The following OLFM1 variants were observed in gnomAD, a reference collection of about 807,000 sequenced individuals.
OLFM1 encodes olfactomedin 1, also known as noelin.
Under a neutral mutation model 49.7 loss-of-function variants are expected in OLFM1, and 9 were observed. The observed-to-expected ratio is 0.18, with a 90% CI of 0.11 to 0.32. The LOEUF (loss-of-function observed/expected upper bound fraction) is 0.32, where lower values mean the gene tolerates loss of function less well. Ranked by LOEUF, OLFM1 falls within the 10% of genes least tolerant of loss-of-function variation. The probability of loss-of-function intolerance (pLI) is 1.00; values close to 1 mark genes in which losing one functional copy is unlikely to be tolerated. For missense variants in OLFM1, 369 were observed against 661.8 expected, an observed-to-expected ratio of 0.56 and a Z score of 4.85; for synonymous variants, 240 against 271.8, an observed-to-expected ratio of 0.88 and a Z score of 1.15.
At chr9:135,084,537 G>C, upstream of OLFM1, among the ~76,000 whole-genome samples, 1 of 145,574 alleles carries the variant, frequency 6.9e-6, no homozygotes, top group Admixed American at 6.8e-5. The surrounding 1 kb of genome is among the most constrained non-coding windows in gnomAD (Gnocchi z 4.6). Flanking sequence ...CCATTTCTTT[G>C]TCTTCCTCTC....
At chr9:135,083,507 C>T (rs1463236343), upstream of OLFM1, among the ~76,000 whole-genome samples, 1 of 152,182 alleles carries the variant, frequency 6.6e-6, no homozygotes, top group East Asian at 1.9e-4. Context: ...CCAGCAACAG[C>T]CATGGGTCTG....
intron 4 of OLFM1, among the ~76,000 whole-genome samples, chr9:135,102,809 C>A (rs1830888721): frequency 6.6e-6 from 1 of 152,186 alleles, no homozygotes; most frequent in South Asian, 2.1e-4. Flanking sequence ...AGGACAGGAA[C>A]CCCATCTGCC....
chr9:135,101,472 G>A (rs901678447), intron 4 of OLFM1, among the ~76,000 whole-genome samples: 2 of 152,232 alleles, frequency 1.3e-5, no homozygotes, highest in African/African-American at 4.8e-5. Flanking sequence ...GAGAAAACAA[G>A]GACCAGGGCT....
At chr9:135,075,731 C>A in exon 1 of OLFM1, 1 of 1,603,146 alleles carries the variant, frequency 6.2e-7, no homozygotes. Flanking sequence ...GAGGTGGCAG[C>A]GAGACATGCA....
chr9:135,091,387 AC>A (rs1417473848), intron 2 of OLFM1, among the ~76,000 whole-genome samples: 8 of 152,184 alleles, frequency 5.3e-5, no homozygotes, highest in Non-Finnish European at 1.2e-4. Context: ...GAACTTTCCC[AC>A]CCTGAGGGAG....
In OLFM1 at chr9:135,117,493, G is replaced by T. The variant is rs1831111607; in HGVS notation, c.784-2011G>T. ...GTGTCTTGTTGGGATATGGGAGCTG[G>T]CCCGCCCCGGTGACTTTGAGAGTCG... On this transcript the variant is annotated intron_variant, in intron 5 of 5. Coordinates refer to ENST00000371793, the MANE Select transcript of OLFM1 (RefSeq NM_001282611.2). The surrounding 1 kb of genome is among the most constrained non-coding windows in gnomAD (Gnocchi z 5.5). 6.6e-6 allele frequency among the ~76,000 whole-genome samples: 1 copy of T among 152,216 alleles called. No homozygotes were observed. Among genetic ancestry groups the T allele is most frequent in the Non-Finnish European group, 1.5e-5 (1 of 68,028 alleles).
chr9:135,107,802 T>A (rs1156717584), intron 5 of OLFM1, among the ~76,000 whole-genome samples: 1 of 152,162 alleles, frequency 6.6e-6, no homozygotes, highest in East Asian at 1.9e-4. Context: ...AAATGTGAGA[T>A]CCTCTAAGCT....
chr9:135,090,130 GATAC>G, intron 1 of OLFM1, 61 bp from the exon 2 acceptor site: 1 of 1,453,278 alleles, frequency 6.9e-7, no homozygotes, highest in Non-Finnish European at 9.4e-7. Context: ...TGTTGGCTCT[GATAC>G]ACAACCTCAT....
In OLFM1 at chr9:135,088,357, G is replaced by T. The variant is rs77591404; in HGVS notation, c.150+218G>T. ...AGCCTGGGCCACTCCATCTCCGCCCGCGCGCCCCTGGGGCGGCGTTTCCTT... is the reference window on the plus strand; with the variant it reads ...AGCCTGGGCCACTCCATCTCCGCCCTCGCGCCCCTGGGGCGGCGTTTCCTT... On this transcript the variant is annotated intron_variant, in intron 1 of 5. Transcript: ENST00000371793. This position sits in a 1 kb window ranked among gnomAD's most constrained non-coding sequence, Gnocchi z 4.8. 5.3e-3 allele frequency among the ~76,000 whole-genome samples: 799 copies of T among 151,838 alleles called. 8 individuals carry two copies. Among genetic ancestry groups the T allele is most frequent in the African/African-American group, 0.018 (747 of 41,498 alleles).
chr9:135,107,346 G>C (rs559687386), intron 5 of OLFM1, among the ~76,000 whole-genome samples: 1 of 152,336 alleles, frequency 6.6e-6, no homozygotes, highest in South Asian at 2.1e-4. Flanking sequence ...TTTGATTTAG[G>C]AAAGAGGCCA....
At chr9:135,076,036 C>G (rs1013520526) in intron 1 of OLFM1, 1 of 1,450,096 alleles carries the variant, frequency 6.9e-7, no homozygotes, top group Non-Finnish European at 9.1e-7. Flanking sequence ...GCAGAGCTGA[C>G]AGCTGCCCCC....
At position 135,119,965 on chromosome 9, in the gene OLFM1, C is replaced by T. The variant is rs971577481; in HGVS notation, c.1245C>T (p.Thr415=). 93 of 1,613,576 alleles carry T rather than the reference C, an allele frequency of 5.8e-5. No individual in the cohort carries two copies. The highest frequency in any genetic ancestry group is 7.5e-5 in the Non-Finnish European group (88 of 1,180,022). ...AFIICGTLYV[T]NGYSGGTKVH... Reference sequence around the variant, plus strand: ...TCATCTGCGGCACGCTGTACGTCACCAACGGCTACTCAGGGGGTACCAAGG... The same window carrying T: ...TCATCTGCGGCACGCTGTACGTCACTAACGGCTACTCAGGGGGTACCAAGG... Residue 415 remains threonine (T), a synonymous_variant, in exon 6 of 6, where the codon ACC becomes ACT. Coordinates refer to ENST00000371793, the MANE Select transcript of OLFM1 (RefSeq NM_001282611.2).
chr9:135,084,886 T>C (rs1199511735), upstream of OLFM1, among the ~76,000 whole-genome samples: 1 of 152,052 alleles, frequency 6.6e-6, no homozygotes, highest in Non-Finnish European at 1.5e-5. The surrounding 1 kb of genome is among the most constrained non-coding windows in gnomAD (Gnocchi z 4.6). Flanking sequence ...CTGTGGGTGT[T>C]GGTGTCGTCT....
At chr9:135,118,023 A>G (rs923753196) in intron 5 of OLFM1, among the ~76,000 whole-genome samples, 5 of 151,638 alleles carry the variant, frequency 3.3e-5, no homozygotes, top group Non-Finnish European at 7.4e-5. Context: ...GGTTGTGACT[A>G]CTCTTTCCTG....
At chr9:135,082,348 G>A (rs550916159) in intron 1 of OLFM1, among the ~76,000 whole-genome samples, 3 of 152,214 alleles carry the variant, frequency 2.0e-5, no homozygotes, top group South Asian at 2.1e-4. Flanking sequence ...AGTTGTCTTC[G>A]GGGAGTTTAA....
chr9:135,088,194 C>T lies in OLFM1; in HGVS notation c.150+55C>T. 8.0e-7 allele frequency: 1 copy of T among 1,246,770 alleles called. No individual in the cohort carries two copies. Among genetic ancestry groups the T allele is most frequent in the Non-Finnish European group, 1.0e-6 (1 of 987,196 alleles). The allele number at this position is 1,246,770 out of a possible 1,614,324, so 77.2% of individuals were successfully genotyped here. On this transcript the variant is annotated intron_variant, in intron 1 of 5. Transcript: ENST00000371793. The surrounding 1 kb of genome is among the most constrained non-coding windows in gnomAD (Gnocchi z 4.8). ...GGCTCCTCCTCCTCCTCCTCCTCCC[C>T]CTCCTCGGTCCGGAGCCCCGGGCTG...
At position 135,098,526 on chromosome 9, in the gene OLFM1, G is replaced by A. The variant is rs749105532; in HGVS notation, c.676+21G>A. On this transcript the variant is annotated intron_variant, in intron 4 of 5. Coordinates refer to ENST00000371793, the MANE Select transcript of OLFM1 (RefSeq NM_001282611.2). This position sits in a 1 kb window ranked among gnomAD's most constrained non-coding sequence, Gnocchi z 5.6. ...ACTAGGTAGGCCCAGTACCCTGCGG[G>A]ACGTGGCGCTGCACTGCCCACCTCC... 9.4e-6 allele frequency: 15 copies of A among 1,600,298 alleles called. No individual in the cohort carries two copies. The East Asian group carries it at 1.1e-4, about 12-fold the overall frequency.
Position 135,119,616 on chromosome 9 carries a change from C to T in OLFM1, c.896C>T (p.Ser299Leu). The change falls in exon 6 of 6, where the codon TCG becomes TTG. Residue 299 changes from serine to leucine, a missense_variant. By Grantham distance (145) the Ser-to-Leu change is moderately radical. Coordinates refer to ENST00000371793, the MANE Select transcript of OLFM1 (RefSeq NM_001282611.2). Reference protein sequence around the residue: ...FTSHRLPHPWSGTGQVVYNGS... With the variant: ...FTSHRLPHPWLGTGQVVYNGS... ...TCCCACCGTCTCCCCCACCCCTGGT[C>T]GGGCACGGGGCAGGTGGTCTACAAC... The T allele has an allele frequency of 2.5e-6, 4 of 1,614,128 alleles. No individual in the cohort carries two copies. The highest frequency in any genetic ancestry group is 1.1e-5 in the South Asian group (1 of 91,072).
chr9:135,106,477 C>T (rs1403532711), intron 4 of OLFM1: 3 of 458,054 alleles, frequency 6.5e-6, no homozygotes, highest in South Asian at 2.9e-5. Context: ...GCTGAGGAGG[C>T]GTGAAGCCTG....
Sources: gnomAD v4.1 joint callset for allele counts (sites outside exome capture counted in the v4.1 genomes callset) on GRCh38, gnomAD v4.1.1 for gene constraint, Gnocchi (gnomAD v3.1) non-coding constraint, MANE v1.5 for transcripts, NCBI Gene and HGNC (gene_info 2026-07-23, HGNC 2026-07-21) for gene names.